The following NPC1 variants were observed in gnomAD, a reference collection of about 807,000 sequenced individuals.
NPC1 encodes NPC intracellular cholesterol transporter 1.
NPC1 carries 85 observed loss-of-function variants against 140.4 expected under a neutral mutation model. The observed-to-expected ratio is 0.61, with a 90% CI of 0.51 to 0.72. The LOEUF is 0.72. Ranked by LOEUF, NPC1 falls within the 30% of genes least tolerant of loss-of-function variation. The pLI, the probability that NPC1 is intolerant of heterozygous loss-of-function variation, is 0.00. For missense variants in NPC1, 1,504 were observed against 1,623.8 expected (o/e 0.93, Z 1.27); for synonymous variants, 656 against 624.8 (o/e 1.05, Z -0.74).
chr18:23,529,342 A>C (rs2058412551), downstream of NPC1: 3 of 1,578,232 alleles, frequency 1.9e-6, no homozygotes, highest in South Asian at 1.2e-5. Flanking sequence ...GAATGCTCAA[A>C]ACAAGGAAGT....
rs1210811266 is a variant in NPC1, at chr18:23,557,139, A to G, written c.933T>C (p.Phe311=). ...TACCTTTGTCACTTGCATTAACAGA[A>G]AAAGCTATATTGCTATCGATGGGAG... The part of the protein sequence containing the change: ...EYTPIDSNIA[F]SVNASDKGEA... The change falls in exon 7 of 25, where the codon TTT becomes TTC. Residue 311 remains phenylalanine, a synonymous_variant. Coordinates refer to ENST00000269228, the MANE Select transcript of NPC1 (RefSeq NM_000271.5). 1 of 1,613,850 alleles carries G rather than the reference A, an allele frequency of 6.2e-7. No individual in the cohort carries two copies. Among genetic ancestry groups the G allele is most frequent in the Non-Finnish European group, 8.5e-7 (1 of 1,179,806 alleles).
chr18:23,577,489 T>C (rs534094054), intron 1 of NPC1, among the ~76,000 whole-genome samples: 5 of 147,138 alleles, frequency 3.4e-5, no homozygotes, highest in East Asian at 1.9e-4. Flanking sequence ...AGGGTGCTGA[T>C]TGGTGTATTT....
At chr18:23,539,756 CCTGG>C in intron 18 of NPC1, 51 bp downstream of exon 18, 1 of 1,575,146 alleles carries the variant, frequency 6.3e-7, no homozygotes, top group Non-Finnish European at 8.7e-7. Context: ...GAGCTGACTG[CCTGG>C]CTGAGAGCCT....
Position 23,556,471 on chromosome 18 carries a change from T to C in NPC1, c.1098A>G (p.Ser366=), listed in dbSNP as rs1006770318. The change falls in exon 8 of 25, where the codon TCA becomes TCG. Residue 366 remains serine (S), a synonymous_variant. Transcript: ENST00000269228. ...FSLVFITACS[S]GLVFVRVTTN... ...TTGTGACCCGGACAAACACCAGGCCTGACGAACACGCAGTAATGAAGACCA... is the reference window on the plus strand; with the variant it reads ...TTGTGACCCGGACAAACACCAGGCCCGACGAACACGCAGTAATGAAGACCA... 4.3e-6 allele frequency: 7 copies of C among 1,614,010 alleles called. No individual in the cohort carries two copies. The Admixed American group carries it at 8.3e-5, about 19-fold the overall frequency.
At chr18:23,517,711 C>T (rs1425612848), downstream of NPC1, among the ~76,000 whole-genome samples, 2 of 151,588 alleles carry the variant, frequency 1.3e-5, no homozygotes, top group Non-Finnish European at 2.9e-5. Context: ...TCTTCTGTGG[C>T]ATTCCTGTTT....
intron 1 of NPC1, among the ~76,000 whole-genome samples, chr18:23,579,210 T>TG (rs2059328500): frequency 6.6e-6 from 1 of 152,244 alleles, no homozygotes; most frequent in African/African-American, 2.4e-5. Context: ...AAAGTTGTGA[T>TG]GTTGGGAGAA....
chr18:23,525,735 T>A (rs575043115), downstream of NPC1, among the ~76,000 whole-genome samples: 1 of 152,328 alleles, frequency 6.6e-6, no homozygotes, highest in East Asian at 1.9e-4. Context: ...TAATTTTTTT[T>A]TTGTAGAGAC....
chr18:23,543,859 C>T (rs1024043125), intron 13 of NPC1, among the ~76,000 whole-genome samples: 7 of 152,216 alleles, frequency 4.6e-5, no homozygotes, highest in East Asian at 1.9e-4. Flanking sequence ...ATCACTCTCA[C>T]GTGCACTGAG....
Position 23,544,434 on chromosome 18 carries a change from C to A in NPC1, c.2040G>T (p.Leu680Phe). 1 of 1,614,140 alleles carries A rather than the reference C, an allele frequency of 6.2e-7. No individual in the cohort carries two copies. Among genetic ancestry groups the A allele is most frequent in the Non-Finnish European group, 8.5e-7 (1 of 1,180,018 alleles). ...CTTCAATCACAATGAGGGTCAAGGG[C>A]AACCCAATGTAGCTGAAGACACCCA... The part of the protein sequence containing the change: ...CSLGVFSYIG[L>F]PLTLIVIEVI... The change falls in exon 13 of 25, where the codon TTG (leucine) becomes TTT (phenylalanine). Residue 680 changes from leucine to phenylalanine, a missense_variant. Physicochemically the swap from Leu to Phe is conservative, Grantham distance 22. Coordinates refer to ENST00000269228, the MANE Select transcript of NPC1 (RefSeq NM_000271.5).
At chr18:23,548,689 A>G (rs2058824667) in intron 10 of NPC1, among the ~76,000 whole-genome samples, 1 of 152,200 alleles carries the variant, frequency 6.6e-6, no homozygotes. Context: ...ACTGATGAGT[A>G]GTTTTGCAAT....
chr18:23,560,557 A>C, intron 5 of NPC1, 77 bp from the exon 6 acceptor site: 2 of 1,446,096 alleles, frequency 1.4e-6, no homozygotes, highest in Non-Finnish European at 1.9e-6. Flanking sequence ...AAACTCAAAG[A>C]AAAGCCCACT....
At chr18:23,585,140 TTC>T (rs1291839800) in intron 1 of NPC1, among the ~76,000 whole-genome samples, 3 of 152,166 alleles carry the variant, frequency 2.0e-5, no homozygotes, top group African/African-American at 7.2e-5. Flanking sequence ...TATTATTTAT[TTC>T]TCTCTCTTTT....
intron 3 of NPC1, among the ~76,000 whole-genome samples, chr18:23,569,603 T>G (rs1380271495): frequency 1.3e-5 from 2 of 152,234 alleles, no homozygotes; most frequent in African/African-American, 4.8e-5. Context: ...ATTATCGACA[T>G]GAGCGCTGCA....
chr18:23,567,541 C>T (rs1424428285), intron 4 of NPC1, among the ~76,000 whole-genome samples: 1 of 152,182 alleles, frequency 6.6e-6, no homozygotes, highest in East Asian at 1.9e-4. Flanking sequence ...ACAGTCCTTA[C>T]TAACATGTCT....
rs1477442565 is a variant in NPC1 at position 23,577,618 on chromosome 18, G to A, written c.58-4044C>T. Among the ~76,000 whole-genome samples, 16 of 152,362 alleles carry A rather than the reference G, an allele frequency of 1.1e-4. No homozygotes were observed. The South Asian group carries it at 2.5e-3, about 24-fold the overall frequency. On this transcript the variant is annotated intron_variant, in intron 1 of 24. Coordinates refer to ENST00000269228, the MANE Select transcript of NPC1 (RefSeq NM_000271.5). ...AGGTGGAGCTGCCTGCCAGTCCTGC[G>A]CCGTGCGCCTGCATTCCTCAGCCCT...
intron 4 of NPC1, among the ~76,000 whole-genome samples, chr18:23,563,130 G>A (rs2059068107): frequency 6.6e-6 from 1 of 152,114 alleles, no homozygotes; most frequent in Non-Finnish European, 1.5e-5. Flanking sequence ...TATAATATGT[G>A]GTCTTTCATG....
Position 23,535,656 on chromosome 18 carries a change from T to C in NPC1, c.3290A>G (p.Asp1097Gly), listed in dbSNP as rs1429928394. 6.2e-7 allele frequency: 1 copy of C among 1,614,010 alleles called. No homozygotes were observed. The highest frequency in any genetic ancestry group is 2.2e-5 in the East Asian group (1 of 44,880). Residue 1097 changes from aspartate to glycine, a missense_variant, in exon 22 of 25, where the codon GAC becomes GGC. Physicochemically the swap from Asp to Gly is moderately conservative, Grantham distance 94. Coordinates refer to ENST00000269228, the MANE Select transcript of NPC1 (RefSeq NM_000271.5). Reference protein sequence around the residue: ...FYEQYLTIIDDTIFNLGVSLG... With the variant: ...FYEQYLTIIDGTIFNLGVSLG... ...GGACACACCGAGGTTGAAGATAGTG[T>C]CGTCAATGATGGTCAGGTACTGTTC... is the stretch of plus-strand genomic sequence containing the variant.
At chr18:23,568,712 A>G (rs1196887913) in intron 4 of NPC1, 111 bp downstream of exon 4, 1 of 853,370 alleles carries the variant, frequency 1.2e-6, no homozygotes. Flanking sequence ...TTCCTGGCCA[A>G]TGGAACTGAA....
intron 4 of NPC1, among the ~76,000 whole-genome samples, chr18:23,566,631 A>G (rs946869709): frequency 3.3e-5 from 5 of 152,062 alleles, no homozygotes; most frequent in African/African-American, 9.7e-5. Context: ...ATTCAGTTGA[A>G]GCTCCCCAAT....
Sources: gnomAD v4.1 joint callset for allele counts (sites outside exome capture counted in the v4.1 genomes callset) on GRCh38, gnomAD v4.1.1 for gene constraint, MANE v1.5 for transcripts, NCBI Gene and HGNC (gene_info 2026-07-23, HGNC 2026-07-21) for gene names.